Variants in ERI1 observed in about 807,000 individuals in gnomAD.
ERI1 encodes the protein exoribonuclease 1, also known as 3'-5' exoribonuclease 1.
Under a neutral mutation model 39.7 loss-of-function variants are expected in ERI1, and 39 were observed. The observed-to-expected ratio is 0.98, with a 90% confidence interval of 0.76 to 1.28. The LOEUF is 1.28. ERI1 is among the 50% of genes most tolerant of loss of function. ERI1 has a pLI of 0.00. For synonymous variants in ERI1, 204 were observed against 149.6 expected (o/e 1.36, Z -2.65); for missense variants, 581 against 416.9 (o/e 1.39, Z -3.43).
chr8:9,059,426 C>T (rs1243757433), intron 3 of ERI1, among the ~76,000 whole-genome samples: 2 of 151,626 alleles, frequency 1.3e-5, no homozygotes, highest in African/African-American at 4.9e-5. Context: ...TTTCTCAGGG[C>T]TGCTTCGAGC....
chr8:9,073,061 C>T (rs1034795227), intron 3 of ERI1, among the ~76,000 whole-genome samples: 1 of 152,156 alleles, frequency 6.6e-6, no homozygotes, highest in Admixed American at 6.5e-5. Flanking sequence ...TATTTTTATT[C>T]ACCACACTCA....
chr8:9,079,392 A>G lies in ERI1; in HGVS notation n.300-36956A>G, dbSNP rs1799305326. Among the ~76,000 whole-genome samples, 3 of 152,232 alleles carry G rather than the reference A, an allele frequency of 2.0e-5. No homozygotes were observed. The South Asian group carries it at 6.2e-4, about 32-fold the overall frequency. ...GTTTTCATTTTCCCTAAACAAATGCATTGTTCTAAAGAAGAAAACAAATAC... is the reference window on the plus strand; with the variant it reads ...GTTTTCATTTTCCCTAAACAAATGCGTTGTTCTAAAGAAGAAAACAAATAC... On this transcript the variant is annotated intron_variant and non_coding_transcript_variant, in intron 3 of 3. Coordinates refer to the ERI1 transcript ENST00000518663.
intron 3 of ERI1, among the ~76,000 whole-genome samples, chr8:9,094,059 T>A (rs976454632): frequency 2.0e-5 from 3 of 151,688 alleles, no homozygotes; most frequent in Non-Finnish European, 4.4e-5. Flanking sequence ...TACTAATAAT[T>A]GTTATAAACT....
chr8:9,044,567 G>C (rs971568479), intron 3 of ERI1, among the ~76,000 whole-genome samples: 3 of 152,132 alleles, frequency 2.0e-5, no homozygotes, highest in Non-Finnish European at 4.4e-5. Context: ...AGTACACAGA[G>C]GACAGTGTAG....
chr8:9,079,367 G>A (rs906555536), intron 3 of ERI1, among the ~76,000 whole-genome samples: 6 of 152,134 alleles, frequency 3.9e-5, no homozygotes. Flanking sequence ...GCTATAGACC[G>A]TTTTCATTTT....
intron 6 of ERI1, among the ~76,000 whole-genome samples, chr8:9,023,835 G>C (rs1360276905): frequency 9.5e-6 from 1 of 105,152 alleles, no homozygotes; most frequent in Admixed American, 1.6e-4. Flanking sequence ...GTCTCACTCT[G>C]TCTCCCAAGC....
At chr8:9,059,196 C>T (rs911749814) in intron 3 of ERI1, among the ~76,000 whole-genome samples, 7 of 152,028 alleles carry the variant, frequency 4.6e-5, no homozygotes, top group African/African-American at 1.7e-4. Flanking sequence ...CAGGAACAGG[C>T]CATTTTCACT....
intron 3 of ERI1, among the ~76,000 whole-genome samples, chr8:9,056,494 A>G (rs1798511359): frequency 6.6e-6 from 1 of 151,480 alleles, no homozygotes; most frequent in Non-Finnish European, 1.5e-5. Flanking sequence ...TTTGGCTTTT[A>G]TAAATGCATC....
Position 9,029,991 on chromosome 8 carries a change from T to C in ERI1, c.1007T>C (p.Ile336Thr), listed in dbSNP as rs1797471526. Residue 336 changes from isoleucine (I) to threonine (T), a missense_variant, in exon 7 of 7, where the codon ATA becomes ACA. By Grantham distance (89) the Ile-to-Thr change is moderately conservative (BLOSUM62 -1). Transcript: ENST00000250263. Reference sequence around the variant, plus strand: ...ATGAGTGTGTCCTCTTCCTTACCAATAGAGGGCACTCCACCACCACAAATG... The same window carrying C: ...ATGAGTGTGTCCTCTTCCTTACCAACAGAGGGCACTCCACCACCACAAATG... ...QLMSVSSSLP[I>T]EGTPPPQMPH... 1.9e-6 allele frequency: 3 copies of C among 1,613,452 alleles called. No individual in the cohort carries two copies. Among genetic ancestry groups the C allele is most frequent in the Non-Finnish European group, 2.5e-6 (3 of 1,179,878 alleles).
At chr8:9,082,233 T>C (rs570614517) in intron 3 of ERI1, among the ~76,000 whole-genome samples, 72 of 152,322 alleles carry the variant, frequency 4.7e-4, no homozygotes, top group African/African-American at 1.7e-3. Context: ...TCTTGTTTTC[T>C]TTGTTTTTCT....
At chr8:9,026,262 G>A (rs1181656104) in intron 6 of ERI1, among the ~76,000 whole-genome samples, 1 of 152,128 alleles carries the variant, frequency 6.6e-6, no homozygotes, top group African/African-American at 2.4e-5. Context: ...ACTTAAAAAT[G>A]CTCTCAATCA....
intron 3 of ERI1, among the ~76,000 whole-genome samples, chr8:9,069,265 T>C (rs1798977736): frequency 6.6e-6 from 1 of 152,242 alleles, no homozygotes; most frequent in Admixed American, 6.5e-5. Flanking sequence ...TTGAATCCTC[T>C]CTGAAGCTGG....
At position 9,031,040 on chromosome 8, in the gene ERI1, ATG is replaced by A. The variant is rs1270695455; in HGVS notation, c.*1009_*1010del. The A allele has an allele frequency of 6.6e-6, 1 of 152,190 alleles. No individual in the cohort carries two copies. Among genetic ancestry groups the A allele is most frequent in the Non-Finnish European group, 1.5e-5 (1 of 68,012 alleles). The allele number at this position is 152,190 out of a possible 1,614,324, so 9.4% of individuals were successfully genotyped here. Reference sequence around the variant, plus strand: ...TTCTTAACTAATTCTAAAAACTAAAATGTGCATTTCGACTTGATAAGGTAAAA... The same window carrying A: ...TTCTTAACTAATTCTAAAAACTAAAATGCATTTCGACTTGATAAGGTAAAA... On this transcript the variant is annotated 3_prime_UTR_variant, in exon 7 of 7. Coordinates refer to ENST00000250263, the MANE Select transcript of ERI1 (RefSeq NM_153332.4).
At chr8:9,066,795 G>A (rs1050308488) in intron 3 of ERI1, among the ~76,000 whole-genome samples, 1 of 152,126 alleles carries the variant, frequency 6.6e-6, no homozygotes, top group Non-Finnish European at 1.5e-5. Context: ...GAGGGAAACA[G>A]CTGGCTGGTT....
intron 3 of ERI1, among the ~76,000 whole-genome samples, chr8:9,079,893 A>G (rs1799318326): frequency 6.6e-6 from 1 of 151,834 alleles, no homozygotes; most frequent in Non-Finnish European, 1.5e-5. Context: ...CTGGTCTTGA[A>G]CACCTAGGCT....
At chr8:9,061,296 G>A (rs1205867276) in intron 3 of ERI1, among the ~76,000 whole-genome samples, 1 of 152,188 alleles carries the variant, frequency 6.6e-6, no homozygotes, top group Non-Finnish European at 1.5e-5. Flanking sequence ...GTCAGATGTG[G>A]TATCCAGAAT....
downstream of ERI1, among the ~76,000 whole-genome samples, chr8:9,037,943 C>T (rs367952220): frequency 2.9e-4 from 43 of 148,976 alleles, no homozygotes; most frequent in African/African-American, 1.1e-3. Context: ...TGAAAAAGGT[C>T]ATTGGTTGCC....
At chr8:9,076,112 G>A (rs1442342228) in intron 3 of ERI1, among the ~76,000 whole-genome samples, 1 of 152,080 alleles carries the variant, frequency 6.6e-6, no homozygotes, top group East Asian at 1.9e-4. Flanking sequence ...AATTTTTGCT[G>A]CTGTTGTTGT....
At chr8:9,050,507 C>A (rs1394327695) in intron 3 of ERI1, among the ~76,000 whole-genome samples, 7 of 141,700 alleles carry the variant, frequency 4.9e-5, no homozygotes, top group African/African-American at 1.6e-4. Flanking sequence ...AACTCCATCT[C>A]AAAAAAAAAA....
Sources: allele counts gnomAD v4.1 joint callset (sites outside exome capture counted in the v4.1 genomes callset), GRCh38; gene constraint gnomAD v4.1.1; transcripts MANE v1.5; gene names NCBI Gene and HGNC (gene_info 2026-07-23, HGNC 2026-07-21).